FSIP2: variants seen among roughly 807,000 people sequenced by gnomAD.
FSIP2 encodes the protein fibrous sheath interacting protein 2, also known as fibrous sheath-interacting protein 2.
A neutral mutation model predicts 510.5 loss-of-function variants in FSIP2; 367 were observed. The observed-to-expected ratio is 0.72, with a 90% CI of 0.66 to 0.78. The LOEUF (loss-of-function observed/expected upper bound fraction) is 0.78. Among genes scored for constraint, FSIP2 ranks in the 30% least tolerant of loss-of-function variants. The pLI, the probability that FSIP2 is intolerant of heterozygous loss-of-function variation, is 0.00. For missense variants in FSIP2, 7,594 were observed against 7,901.7 expected, an observed-to-expected ratio of 0.96 and a Z score of 1.48; for synonymous variants, 2,601 against 2,732.2, an observed-to-expected ratio of 0.95 and a Z score of 1.50.
At chr2:185,760,901 G>C in intron 9 of FSIP2, 87 bp from the exon 10 acceptor site, 1 of 499,064 alleles carries the variant, frequency 2.0e-6, no homozygotes, top group South Asian at 3.5e-5. Flanking sequence ...TAATTAAATA[G>C]ATACAATTTA....
Position 185,813,658 on chromosome 2 carries a change from T to C in FSIP2, c.19941T>C (p.Asp6647=). The C allele has an allele frequency of 6.2e-7, 1 of 1,607,264 alleles. No individual in the cohort carries two copies. Among genetic ancestry groups the C allele is most frequent in the Non-Finnish European group, 8.5e-7 (1 of 1,176,052 alleles). ...TTATTGTTCGATTAGTAGCTCATGA[T>C]ATTGATCAAGTGTATTTGGAAAATT... ...NDLIVRLVAH[D]IDQVYLENYI... is the part of the protein sequence containing the mutation. Residue 6647 remains aspartate, a synonymous_variant, in exon 18 of 23, where the codon GAT becomes GAC. Transcript: ENST00000424728.
In FSIP2 at chr2:185,788,660, GAAT is replaced by G. The variant is rs1301993862; in HGVS notation, c.1526_1528del (p.Asn509del). The stretch of plus-strand genomic sequence containing the variant: ...CTTTCCAGGTAACTTCTGAAGAACT[GAAT>G]ATTATAATTCAGAATGTAATGACCT... On this transcript the variant is annotated inframe_deletion, in exon 16 of 23. Transcript: ENST00000424728. 1 of 1,510,258 alleles carries G rather than the reference GAAT, an allele frequency of 6.6e-7. No individual in the cohort carries two copies. The highest frequency in any genetic ancestry group is 8.8e-7 in the Non-Finnish European group (1 of 1,136,538). The allele number at this position is 1,510,258 out of a possible 1,614,324, so 93.6% of individuals were successfully genotyped here.
At position 185,793,025 on chromosome 2, in the gene FSIP2, A is replaced by C. The variant is rs1478424310; in HGVS notation, c.5889A>C (p.Lys1963Asn). Residue 1963 changes from lysine to asparagine, a missense_variant, in exon 16 of 23, where the codon AAA (lysine) becomes AAC (asparagine). Transcript: ENST00000424728. ...PIQQDHSTLSKALSAKDSYSD... is the reference protein window; with the variant it reads ...PIQQDHSTLSNALSAKDSYSD... ...AGCAAGATCACAGTACATTGAGCAA[A>C]GCATTATCAGCCAAAGATTCATATT... 6.5e-7 allele frequency: 1 copy of C among 1,534,398 alleles called. No individual in the cohort carries two copies. Among genetic ancestry groups the C allele is most frequent in the South Asian group, 1.2e-5 (1 of 84,036 alleles).
At position 185,802,068 on chromosome 2, in the gene FSIP2, T is replaced by A. The variant is rs1693452423; in HGVS notation, c.12762T>A (p.Ile4254=). ...DQIASFIIQE[I]IENHLQPFLS... ...TAGCCAGCTTTATCATCCAAGAGAT[T>A]ATCGAAAATCATCTTCAACCATTTT... The change falls in exon 17 of 23, where the codon ATT becomes ATA. Residue 4254 remains isoleucine, a synonymous_variant. Transcript: ENST00000424728. 1 of 1,533,342 alleles carries A rather than the reference T, an allele frequency of 6.5e-7. No individual in the cohort carries two copies. The highest frequency in any genetic ancestry group is 2.0e-5 in the Admixed American group (1 of 50,778). The allele number at this position is 1,533,342 out of a possible 1,614,324, so 95.0% of individuals were successfully genotyped here.
Position 185,741,785 on chromosome 2 carries a change from T to C in FSIP2, c.226-1348T>C, listed in dbSNP as rs1048575313. Among the ~76,000 whole-genome samples, 3 of 152,198 alleles carry C rather than the reference T, an allele frequency of 2.0e-5. No individual in the cohort carries two copies. The South Asian group carries it at 6.2e-4, about 32-fold the overall frequency. ...TCAGAAACTTAAAGAAGCTTTTAAA[T>C]GCAAAGGAAGAGCTAGTATCTTATT... On this transcript the variant is annotated intron_variant, in intron 2 of 22. Coordinates refer to ENST00000424728, the MANE Select transcript of FSIP2 (RefSeq NM_173651.4).
At chr2:185,785,775 A>ATAT (rs1016730659) in intron 14 of FSIP2, among the ~76,000 whole-genome samples, 1 of 152,028 alleles carries the variant, frequency 6.6e-6, no homozygotes, top group African/African-American at 2.4e-5. Context: ...AAGCATTCAC[A>ATAT]TATTTTCTTC....
chr2:185,822,007 G>A (rs1482734782), intron 19 of FSIP2, among the ~76,000 whole-genome samples: 1 of 151,422 alleles, frequency 6.6e-6, no homozygotes. Context: ...ACCATTTGAC[G>A]AAAGTTAAAT....
At chr2:185,766,555 A>G (rs1250785959) in intron 13 of FSIP2, 1 of 147,992 alleles carries the variant, frequency 6.8e-6, no homozygotes, top group Non-Finnish European at 1.5e-5. Context: ...CAGCCAAAAA[A>G]CACATGAAAA....
Position 185,808,026 on chromosome 2 carries a change from T to G in FSIP2, c.18720T>G (p.Thr6240=). 1 of 1,610,968 alleles carries G rather than the reference T, an allele frequency of 6.2e-7. No individual in the cohort carries two copies. The highest frequency in any genetic ancestry group is 8.5e-7 in the Non-Finnish European group (1 of 1,177,998). ...TACCACCCACCAAGGAATCACCTAC[T>G]GTGCCTGTAGCTGATAATGCAACTA... is the stretch of plus-strand genomic sequence containing the variant. ...KLVPPTKESP[T]VPVADNATIE... is the part of the protein sequence containing the mutation. The change falls in exon 17 of 23, where the codon ACT becomes ACG. Residue 6240 remains threonine (T), a synonymous_variant. Coordinates refer to ENST00000424728, the MANE Select transcript of FSIP2 (RefSeq NM_173651.4).
chr2:185,791,494 A>G lies in FSIP2; in HGVS notation c.4358A>G (p.His1453Arg). The G allele has an allele frequency of 6.5e-7, 1 of 1,534,356 alleles. No individual in the cohort carries two copies. Among genetic ancestry groups the G allele is most frequent in the Non-Finnish European group, 8.7e-7 (1 of 1,145,678 alleles). The change falls in exon 16 of 23, where the codon CAT (histidine) becomes CGT (arginine). Residue 1453 changes from histidine to arginine, a missense_variant. By Grantham distance (29) the His-to-Arg change is conservative. Transcript: ENST00000424728. ...MLSKLLGTHL[H>R]SQLSCSQQSR... The stretch of plus-strand genomic sequence containing the variant: ...AGCAAGCTCCTGGGGACCCATCTTC[A>G]TTCTCAGCTATCTTGTAGTCAACAA...
intron 2 of FSIP2, among the ~76,000 whole-genome samples, chr2:185,742,560 CAG>C (rs1444950728): frequency 3.3e-5 from 5 of 152,150 alleles, no homozygotes; most frequent in Non-Finnish European, 5.9e-5. Flanking sequence ...CTCTAGCACT[CAG>C]AGATTGTTGG....
At chr2:185,751,469 G>GTGTGTGTGTC in intron 7 of FSIP2, among the ~76,000 whole-genome samples, 1 of 137,994 alleles carries the variant, frequency 7.2e-6, no homozygotes, top group African/African-American at 2.5e-5. Flanking sequence ...TTCTGTGTGT[G>GTGTGTGTGTC]TGTGTGTGTG....
At position 185,796,987 on chromosome 2, in the gene FSIP2, C is replaced by CATTA. The variant is rs1432226901; in HGVS notation, c.9853_9856dup (p.Lys3286IlefsTer14). The stretch of plus-strand genomic sequence containing the variant: ...AAAGCAAGTGACTCCACAGAAGCAG[C>CATTA]ATTAAAGCAAGTCTTGTCATTCATA... On this transcript the variant is annotated frameshift_variant, in exon 16 of 23. Transcript: ENST00000424728. LOFTEE classifies it high-confidence loss of function. 5.9e-6 allele frequency: 9 copies of CATTA among 1,534,858 alleles called. No homozygotes were observed. The African/African-American group carries it at 1.2e-4, about 21-fold the overall frequency.
Position 185,788,632 on chromosome 2 carries a change from C to T in FSIP2, c.1507-11C>T. 1 of 1,472,282 alleles carries T rather than the reference C, an allele frequency of 6.8e-7. No individual in the cohort carries two copies. The highest frequency in any genetic ancestry group is 8.9e-7 in the Non-Finnish European group (1 of 1,118,244). 91.2% of individuals were successfully genotyped at this position (1,472,282 alleles called of 1,614,324 possible). A position where few individuals can be genotyped will look rare whatever the true frequency, so the allele number is the denominator to read the frequency against. ...TGACTTTATTTTCATCTCTGCTTAC[C>T]TCCTTTCCAGGTAACTTCTGAAGAA... On this transcript the variant is annotated splice_polypyrimidine_tract_variant and intron_variant, in intron 15 of 22. Transcript: ENST00000424728.
chr2:185,806,804 A>G lies in FSIP2; in HGVS notation c.17498A>G (p.Asn5833Ser). The change falls in exon 17 of 23, where the codon AAT (asparagine) becomes AGT (serine). Residue 5833 changes from asparagine (N) to serine (S), a missense_variant. Asn to Ser is a conservative substitution (Grantham distance 46). Transcript: ENST00000424728. ...TATGACACTGCTATGAAACTCATCAATTCACTGTTAAAGGAGTTCTCAGAT... is the reference window on the plus strand; with the variant it reads ...TATGACACTGCTATGAAACTCATCAGTTCACTGTTAAAGGAGTTCTCAGAT... Reference protein sequence around the residue: ...KLYDTAMKLINSLLKEFSDAQ... With the variant: ...KLYDTAMKLISSLLKEFSDAQ... 1 of 1,611,854 alleles carries G rather than the reference A, an allele frequency of 6.2e-7. No homozygotes were observed. The highest frequency in any genetic ancestry group is 8.5e-7 in the Non-Finnish European group (1 of 1,178,730).
Position 185,813,738 on chromosome 2 carries a change from T to C in FSIP2, c.20021T>C (p.Phe6674Ser). 6.2e-7 allele frequency: 1 copy of C among 1,612,474 alleles called. No homozygotes were observed. Among genetic ancestry groups the C allele is most frequent in the South Asian group, 1.1e-5 (1 of 90,948 alleles). ...GATGAAGTTGTTTTAACACAGACTT[T>C]TGCAAAAGAAGAAGGCATCAAAGTA... ...DEDEVVLTQT[F>S]AKEEGIKVFE... Residue 6674 changes from phenylalanine to serine, a missense_variant, in exon 18 of 23, where the codon TTT (phenylalanine) becomes TCT (serine). By Grantham distance (155) the Phe-to-Ser change is radical. Coordinates refer to ENST00000424728, the MANE Select transcript of FSIP2 (RefSeq NM_173651.4).
intron 13 of FSIP2, among the ~76,000 whole-genome samples, chr2:185,770,457 G>A (rs907100299): frequency 6.6e-6 from 1 of 152,124 alleles, no homozygotes; most frequent in Non-Finnish European, 1.5e-5. Context: ...AGGGGAAGCA[G>A]GCATATCACA....
At position 185,802,431 on chromosome 2, in the gene FSIP2, C is replaced by T. The variant is rs1019602709; in HGVS notation, c.13125C>T (p.Thr4375=). The change falls in exon 17 of 23, where the codon ACC becomes ACT. Residue 4375 remains threonine (T), a synonymous_variant. Coordinates refer to ENST00000424728, the MANE Select transcript of FSIP2 (RefSeq NM_173651.4). ...CAGATATTGTGGATGAACTTGCCAC[C>T]TCAGTTTATAGAAATGCTTTAAAGC... ...FNTDIVDELA[T]SVYRNALKQH... 6.5e-7 allele frequency: 1 copy of T among 1,533,892 alleles called. No individual in the cohort carries two copies. The highest frequency in any genetic ancestry group is 1.2e-5 in the South Asian group (1 of 83,972).
chr2:185,784,392 G>A (rs1018799055), intron 14 of FSIP2, among the ~76,000 whole-genome samples: 1 of 151,884 alleles, frequency 6.6e-6, no homozygotes, highest in Non-Finnish European at 1.5e-5. Context: ...TTTTTAGTGG[G>A]GGTGTAATGG....
Sources: gnomAD v4.1 joint callset for allele counts (sites outside exome capture counted in the v4.1 genomes callset) on GRCh38, gnomAD v4.1.1 for gene constraint, MANE v1.5 for transcripts, NCBI Gene and HGNC (gene_info 2026-07-23, HGNC 2026-07-21) for gene names.